Variants in NREP observed in about 807,000 individuals in gnomAD.
The protein encoded by NREP is neuronal regeneration-related protein.
NREP carries 5 observed loss-of-function variants against 8.6 expected under a neutral mutation model. The observed-to-expected ratio is 0.58, with a 90% CI of 0.30 to 1.22. The LOEUF is 1.22. Ranked by LOEUF, NREP falls within the 50% of genes most tolerant of loss-of-function variation. The probability of loss-of-function intolerance (pLI) is 0.07; values close to 1 mark genes in which losing one functional copy is unlikely to be tolerated. For missense variants in NREP, 86 were observed against 82.5 expected (o/e 1.04, Z -0.17); for synonymous variants, 27 against 28.0 (o/e 0.96, Z 0.11).
At chr5:111,932,117 C>CAAA (rs57518070) in intron 2 of NREP, among the ~76,000 whole-genome samples, 2 of 115,596 alleles carry the variant, frequency 1.7e-5, no homozygotes, top group African/African-American at 6.2e-5. Flanking sequence ...AGACTTTTTG[C>CAAA]AAAAAAAAAA....
At chr5:111,838,721 G>T (rs1057373946) in intron 2 of NREP, among the ~76,000 whole-genome samples, 9 of 151,914 alleles carry the variant, frequency 5.9e-5, no homozygotes, top group African/African-American at 2.2e-4. Context: ...ATATATGTGT[G>T]TGTGTTTGTA....
intron 2 of NREP, among the ~76,000 whole-genome samples, chr5:111,778,984 C>A (rs1751427368): frequency 6.6e-6 from 1 of 151,908 alleles, no homozygotes; most frequent in Non-Finnish European, 1.5e-5. Context: ...CTTGTAGCAA[C>A]CTTTACGTTG....
intron 2 of NREP, among the ~76,000 whole-genome samples, chr5:111,829,001 C>G (rs1752696979): frequency 6.6e-6 from 1 of 151,926 alleles, no homozygotes; most frequent in Admixed American, 6.6e-5. Context: ...GGGGAGACAG[C>G]TGAGCTGAAG....
intron 2 of NREP, among the ~76,000 whole-genome samples, chr5:111,815,772 T>A (rs1017626779): frequency 2.0e-5 from 3 of 152,080 alleles, no homozygotes; most frequent in African/African-American, 7.2e-5. Context: ...AAACGCCATG[T>A]AAGATACAGG....
intron 2 of NREP, among the ~76,000 whole-genome samples, chr5:111,774,491 T>A (rs1220188990): frequency 6.6e-6 from 1 of 152,150 alleles, no homozygotes; most frequent in East Asian, 1.9e-4. Context: ...CTTGGGCCTT[T>A]AAAAACATAG....
chr5:111,755,957 T>G, intron 1 of NREP, 127 bp from the exon 2 acceptor site: 1 of 1,468,566 alleles, frequency 6.8e-7, no homozygotes, highest in South Asian at 1.4e-5. Flanking sequence ...ATGCAAATTA[T>G]TGTTAACTAC....
intron 2 of NREP, among the ~76,000 whole-genome samples, chr5:111,866,700 G>A (rs1322476062): frequency 6.6e-6 from 1 of 152,100 alleles, no homozygotes; most frequent in Non-Finnish European, 1.5e-5. Flanking sequence ...GCACACGTAT[G>A]TTTATTGCGG....
At chr5:111,824,571 C>T (rs1752579237) in intron 2 of NREP, among the ~76,000 whole-genome samples, 1 of 151,924 alleles carries the variant, frequency 6.6e-6, no homozygotes, top group Non-Finnish European at 1.5e-5. Flanking sequence ...ACACATTGTA[C>T]TTTTTTATCT....
chr5:111,895,289 C>T (rs757542319), intron 2 of NREP, among the ~76,000 whole-genome samples: 8 of 152,114 alleles, frequency 5.3e-5, no homozygotes, highest in East Asian at 1.9e-4. Context: ...AGATGAGGAA[C>T]GGGGAAGGGA....
chr5:111,820,110 C>T (rs756296813), intron 2 of NREP, among the ~76,000 whole-genome samples: 4 of 125,582 alleles, frequency 3.2e-5, no homozygotes, highest in South Asian at 4.7e-4. Context: ...CTGCTAAGTC[C>T]GTAGAGAGAG....
chr5:111,730,977 G>A lies in NREP; in HGVS notation c.151C>T (p.Pro51Ser). The change falls in exon 4 of 4, where the codon CCA becomes TCA. Residue 51 changes from proline to serine, a missense_variant. Physicochemically the swap from Pro to Ser is moderately conservative, Grantham distance 74. Coordinates refer to ENST00000257435, the MANE Select transcript of NREP (RefSeq NM_004772.4). The part of the protein sequence containing the change: ...NDETNAASLT[P>S]LGSSELRSPR... The stretch of plus-strand genomic sequence containing the variant: ...GAGCGGAGTTCACTGCTGCCCAGTG[G>A]AGTCAGGGAGGCAGCGTTTGTCTCA... 1.9e-6 allele frequency: 3 copies of A among 1,613,954 alleles called. No individual in the cohort carries two copies. Among genetic ancestry groups the A allele is most frequent in the Non-Finnish European group, 1.7e-6 (2 of 1,179,844 alleles).
chr5:111,770,554 C>CTTTTTTTTTTTTTTTTTTTTTT (rs34538408), intron 2 of NREP, among the ~76,000 whole-genome samples: 1 of 73,582 alleles, frequency 1.4e-5, no homozygotes, highest in Non-Finnish European at 2.7e-5. Context: ...GAATTATTTC[C>CTTTTTTTTTTTTTTTTTTTTTT]TTTTTTTTTT....
chr5:111,936,762 T>C (rs1755695368), intron 2 of NREP, among the ~76,000 whole-genome samples: 1 of 152,094 alleles, frequency 6.6e-6, no homozygotes, highest in African/African-American at 2.4e-5. Context: ...AATTTCTTTT[T>C]ACTAAAGGTG....
intron 2 of NREP, among the ~76,000 whole-genome samples, chr5:111,748,323 G>T (rs998057405): frequency 3.9e-5 from 6 of 152,112 alleles, no homozygotes; most frequent in Non-Finnish European, 7.4e-5. Flanking sequence ...GTTCATCAGT[G>T]CCTGTTCATT....
At chr5:111,896,075 T>G (rs563255457) in intron 2 of NREP, among the ~76,000 whole-genome samples, 1 of 152,312 alleles carries the variant, frequency 6.6e-6, no homozygotes, top group South Asian at 2.1e-4. Flanking sequence ...CTTTTTTGTT[T>G]TCAAAAAGAT....
Position 111,794,910 on chromosome 5 carries a change from G to A in NREP, c.136-59403C>T, listed in dbSNP as rs193087744. Among the ~76,000 whole-genome samples, 15 of 151,576 alleles carry A rather than the reference G, an allele frequency of 9.9e-5. No individual in the cohort carries two copies. In the East Asian group the frequency reaches 1.6e-3, roughly 16 times the overall value. ...GGGCTGGTTGTTTTGGGTCACAGAGGCCGTTTTGCATATATGGGGGTCAGG... is the reference window on the plus strand; with the variant it reads ...GGGCTGGTTGTTTTGGGTCACAGAGACCGTTTTGCATATATGGGGGTCAGG... On this transcript the variant is annotated intron_variant, in intron 2 of 3. Transcript: ENST00000395634.
intron 2 of NREP, among the ~76,000 whole-genome samples, chr5:111,829,826 C>T (rs1752720315): frequency 6.6e-6 from 1 of 152,178 alleles, no homozygotes; most frequent in South Asian, 2.1e-4. Context: ...GCTTTTTAAA[C>T]TCAATGACTT....
At chr5:111,925,081 G>A (rs1467259410) in intron 2 of NREP, among the ~76,000 whole-genome samples, 3 of 152,130 alleles carry the variant, frequency 2.0e-5, no homozygotes, top group Non-Finnish European at 4.4e-5. Flanking sequence ...GGGGAAGCCT[G>A]GATTGGAAAA....
intron 2 of NREP, among the ~76,000 whole-genome samples, chr5:111,858,148 T>C (rs1753466428): frequency 6.6e-6 from 1 of 152,090 alleles, no homozygotes; most frequent in African/African-American, 2.4e-5. Flanking sequence ...TTTTATGTAT[T>C]ACACCAGACC....
Sources: gnomAD v4.1 joint callset for allele counts (sites outside exome capture counted in the v4.1 genomes callset) on GRCh38, gnomAD v4.1.1 for gene constraint, MANE v1.5 for transcripts, NCBI Gene and HGNC (gene_info 2026-07-23, HGNC 2026-07-21) for gene names.